The following SLC36A4 variants were observed in gnomAD, a reference collection of about 807,000 sequenced individuals.
SLC36A4 encodes the protein solute carrier family 36 member 4.
A neutral mutation model predicts 50.5 loss-of-function variants in SLC36A4; 49 were observed. The ratio of observed to expected loss-of-function variants is 0.97; its 90% confidence interval spans 0.77 to 1.23. The LOEUF is 1.23. Among genes scored for constraint, SLC36A4 ranks in the 50% most tolerant of loss-of-function variants. SLC36A4 has a pLI of 0.00. For missense variants in SLC36A4, 611 were observed against 608.4 expected, an observed-to-expected ratio of 1.00 and a Z score of -0.05; for synonymous variants, 207 against 206.5, an observed-to-expected ratio of 1.00 and a Z score of -0.02.
intron 6 of SLC36A4, chr11:93,171,788 TAG>T (rs1861147326): frequency 6.6e-6 from 1 of 152,090 alleles, no homozygotes; most frequent in Non-Finnish European, 1.5e-5. Context: ...TTAATGGAGT[TAG>T]GAGTCCTAGG....
At chr11:93,167,038 T>C (rs1428947994) in intron 7 of SLC36A4, 5 of 152,156 alleles carry the variant, frequency 3.3e-5, no homozygotes, top group South Asian at 2.1e-4. Context: ...CTTAACTGAC[T>C]CTTACATGTT....
chr11:93,175,057 G>A (rs1012494243), intron 6 of SLC36A4, among the ~76,000 whole-genome samples: 5 of 151,722 alleles, frequency 3.3e-5, no homozygotes, highest in African/African-American at 1.2e-4. Context: ...GTAGAATTCG[G>A]CTGTGAATCC....
At chr11:93,176,709 G>T (rs530438727) in intron 6 of SLC36A4, among the ~76,000 whole-genome samples, 107 of 152,148 alleles carry the variant, frequency 7.0e-4, no homozygotes, top group African/African-American at 2.6e-3. Flanking sequence ...CACTTATGAA[G>T]CTTAGTTTGG....
chr11:93,155,279 C>T (rs947114284), intron 9 of SLC36A4: 2 of 152,096 alleles, frequency 1.3e-5, no homozygotes, highest in African/African-American at 2.4e-5. Context: ...GCTGCAACTT[C>T]GGGGCAGTGA....
chr11:93,156,151 C>T (rs1860349421), intron 9 of SLC36A4, among the ~76,000 whole-genome samples: 1 of 152,218 alleles, frequency 6.6e-6, no homozygotes, highest in Non-Finnish European at 1.5e-5. Context: ...GGCATCGCCA[C>T]ACTGTCTTCC....
At chr11:93,166,248 A>C in intron 7 of SLC36A4, 2 of 1,232,382 alleles carry the variant, frequency 1.6e-6, no homozygotes, top group Non-Finnish European at 2.0e-6. Flanking sequence ...CCATCTGAGC[A>C]AAATGCTCCT....
At chr11:93,174,908 CT>C (rs951382792) in intron 6 of SLC36A4, among the ~76,000 whole-genome samples, 2 of 145,066 alleles carry the variant, frequency 1.4e-5, no homozygotes, top group East Asian at 2.1e-4. Context: ...CTAAAATTCT[CT>C]TTTTTGGTTG....
Position 93,147,215 on chromosome 11 carries a change from C to G in SLC36A4, c.*1322G>C, listed in dbSNP as rs982847236. The G allele has an allele frequency of 6.6e-6, 1 of 152,082 alleles. No individual in the cohort carries two copies. Among genetic ancestry groups the G allele is most frequent in the Non-Finnish European group, 1.5e-5 (1 of 68,052 alleles). 9.4% of individuals were successfully genotyped at this position (152,082 alleles called of 1,614,324 possible). On this transcript the variant is annotated 3_prime_UTR_variant, in exon 11 of 11. Coordinates refer to ENST00000326402, the MANE Select transcript of SLC36A4 (RefSeq NM_152313.4). ...GCCCAGGCTGGTCTCAAGCTCCTGGCCTCTCAAGTGATCCTCCCAACTTAT... is the reference window on the plus strand; with the variant it reads ...GCCCAGGCTGGTCTCAAGCTCCTGGGCTCTCAAGTGATCCTCCCAACTTAT...
intron 1 of SLC36A4, among the ~76,000 whole-genome samples, chr11:93,196,476 C>G (rs1215143380): frequency 1.3e-5 from 2 of 152,138 alleles, no homozygotes; most frequent in African/African-American, 2.4e-5. Context: ...ACGCCATTCT[C>G]CTGCCTCAGC....
intron 8 of SLC36A4, among the ~76,000 whole-genome samples, chr11:93,163,160 G>C (rs1860707797): frequency 6.6e-6 from 1 of 151,654 alleles, no homozygotes; most frequent in South Asian, 2.1e-4. Context: ...AAGTTACAAA[G>C]ATAACACAGA....
rs1484693437 is a variant in SLC36A4, at chr11:93,192,955, T to A, written c.55+4823A>T. 6.4e-5 allele frequency: 10 copies of A among 155,940 alleles called. No homozygotes were observed. In the Admixed American group the frequency reaches 6.6e-4, roughly 10 times the overall value. The allele number at this position is 155,940 out of a possible 1,614,324, so 9.7% of individuals were successfully genotyped here. On this transcript the variant is annotated intron_variant, in intron 1 of 10. Transcript: ENST00000326402. ...ATGTATATGAAGTTATTATATATAT[T>A]ACATATATGTTACATAGATAGAATA...
intron 3 of SLC36A4, among the ~76,000 whole-genome samples, chr11:93,183,099 A>C (rs1380223507): frequency 1.3e-5 from 2 of 152,192 alleles, no homozygotes; most frequent in African/African-American, 4.8e-5. Context: ...ATTCCATCTT[A>C]TTAACATAGC....
At chr11:93,168,533 T>C (rs1405101404) in intron 6 of SLC36A4, among the ~76,000 whole-genome samples, 1 of 152,050 alleles carries the variant, frequency 6.6e-6, no homozygotes, top group Non-Finnish European at 1.5e-5. Flanking sequence ...ATCATCAAAT[T>C]TGGAACCATG....
chr11:93,161,937 G>A (rs1777074052), intron 9 of SLC36A4, among the ~76,000 whole-genome samples: 1 of 152,124 alleles, frequency 6.6e-6, no homozygotes, highest in Non-Finnish European at 1.5e-5. Flanking sequence ...CAATATGAAA[G>A]AGAACATTAA....
intron 6 of SLC36A4, among the ~76,000 whole-genome samples, chr11:93,174,849 C>T (rs1345408627): frequency 2.3e-5 from 2 of 87,880 alleles, no homozygotes; most frequent in Non-Finnish European, 5.4e-5. Flanking sequence ...ATTTGGTTTG[C>T]CAGTATTTTA....
rs987242792 is a variant in SLC36A4, at chr11:93,181,597, T to C, written c.455+94A>G. ...GTTACATATGTTTATTCCCCAACTT[T>C]ATCATATTTTTATTTATATATATTG... is the stretch of plus-strand genomic sequence containing the variant. On this transcript the variant is annotated intron_variant, in intron 5 of 10. Transcript: ENST00000326402. The C allele has an allele frequency of 4.7e-5, 45 of 953,110 alleles. No individual in the cohort carries two copies. In the African/African-American group the frequency reaches 7.4e-4, roughly 16 times the overall value. 59.0% of individuals were successfully genotyped at this position (953,110 alleles called of 1,614,324 possible).
intron 6 of SLC36A4, among the ~76,000 whole-genome samples, chr11:93,178,770 C>G (rs943350202): frequency 2.6e-5 from 4 of 152,192 alleles, no homozygotes; most frequent in African/African-American, 9.7e-5. Context: ...AAAGCATTCC[C>G]TCTGAGAACT....
chr11:93,160,481 A>G, intron 9 of SLC36A4: 1 of 985,404 alleles, frequency 1.0e-6, no homozygotes. Context: ...AGTCACAGCA[A>G]TTAGGAATAA....
chr11:93,182,241 T>A (rs1253858649), intron 4 of SLC36A4: 1 of 759,784 alleles, frequency 1.3e-6, no homozygotes, highest in Non-Finnish European at 1.6e-6. Flanking sequence ...CCATTCTCTC[T>A]TTTTTTTTCC....
Sources: gnomAD v4.1 joint callset for allele counts (sites outside exome capture counted in the v4.1 genomes callset) on GRCh38, gnomAD v4.1.1 for gene constraint, MANE v1.5 for transcripts, NCBI Gene and HGNC (gene_info 2026-07-23, HGNC 2026-07-21) for gene names.